The following SDK1 variants were observed in gnomAD, a reference collection of about 807,000 sequenced individuals.
The protein encoded by SDK1 is sidekick cell adhesion molecule 1, also known as protein sidekick-1.
SDK1 carries 157 observed loss-of-function variants against 245.5 expected under a neutral mutation model. The ratio of observed to expected loss-of-function variants is 0.64; its 90% CI spans 0.56 to 0.73. The LOEUF is 0.73. SDK1 is among the 30% of genes least tolerant of loss of function. The pLI is 0.00. For missense variants in SDK1, 3,583 were observed against 3,002.3 expected (o/e 1.19, Z -4.52); for synonymous variants, 1,647 against 1,278.5 (o/e 1.29, Z -6.15).
At chr7:4,242,968 A>C (rs1383059161) in intron 43 of SDK1, among the ~76,000 whole-genome samples, 1 of 152,178 alleles carries the variant, frequency 6.6e-6, no homozygotes, top group East Asian at 1.9e-4. Flanking sequence ...CCGCCACCCC[A>C]CGAGGCCTTC....
chr7:3,786,676 T>TA (rs1190792187), intron 4 of SDK1, among the ~76,000 whole-genome samples: 1 of 152,156 alleles, frequency 6.6e-6, no homozygotes, highest in Non-Finnish European at 1.5e-5. Context: ...ATACAGTGAG[T>TA]ACGTTCTCTG....
At chr7:3,967,533 T>C (rs887433328) in intron 10 of SDK1, 99 bp downstream of exon 10, 11 of 763,600 alleles carry the variant, frequency 1.4e-5, no homozygotes, top group South Asian at 1.1e-4. Context: ...TATTCACTTA[T>C]GCATTCACTC....
At chr7:3,932,864 C>T (rs181651281) in intron 5 of SDK1, among the ~76,000 whole-genome samples, 12 of 152,292 alleles carry the variant, frequency 7.9e-5, no homozygotes, top group Non-Finnish European at 1.2e-4. Context: ...AAGAAGCCAA[C>T]ACCCACCTCT....
At chr7:4,075,835 G>T (rs1260212958) in intron 20 of SDK1, among the ~76,000 whole-genome samples, 1 of 151,924 alleles carries the variant, frequency 6.6e-6, no homozygotes, top group Non-Finnish European at 1.5e-5. Context: ...TTATATTTTA[G>T]TAGAGACGGG....
At chr7:4,212,767 C>T (rs944243796) in intron 38 of SDK1, among the ~76,000 whole-genome samples, 2 of 152,228 alleles carry the variant, frequency 1.3e-5, no homozygotes, top group African/African-American at 4.8e-5. Flanking sequence ...TCATAACCAA[C>T]GAGGACCATT....
At chr7:3,504,825 G>T (rs960782868) in intron 1 of SDK1, among the ~76,000 whole-genome samples, 4 of 151,074 alleles carry the variant, frequency 2.6e-5, no homozygotes, top group African/African-American at 4.9e-5. Flanking sequence ...GTAAAATGGT[G>T]CAACCACTTT....
chr7:3,536,202 G>A (rs891928917), intron 1 of SDK1, among the ~76,000 whole-genome samples: 15 of 150,822 alleles, frequency 9.9e-5, no homozygotes, highest in African/African-American at 2.7e-4. Context: ...GACTACAGGC[G>A]CCCGCCACCA....
intron 17 of SDK1, among the ~76,000 whole-genome samples, chr7:4,018,267 A>G (rs1786582361): frequency 6.6e-6 from 1 of 152,184 alleles, no homozygotes; most frequent in Admixed American, 6.5e-5. Context: ...TTCAGATGAC[A>G]AGGTTTCTGA....
At chr7:3,576,360 G>C (rs1273645868) in intron 1 of SDK1, among the ~76,000 whole-genome samples, 1 of 152,032 alleles carries the variant, frequency 6.6e-6, no homozygotes, top group African/African-American at 2.4e-5. Flanking sequence ...AGCTAGGTGG[G>C]GCCATCTGCA....
chr7:4,242,448 C>T (rs1309054452), intron 43 of SDK1, among the ~76,000 whole-genome samples: 1 of 152,122 alleles, frequency 6.6e-6, no homozygotes, highest in Non-Finnish European at 1.5e-5. Context: ...TTCCTAAATC[C>T]AGCAGGAAGC....
At chr7:4,088,954 C>T (rs766014737) in intron 22 of SDK1, among the ~76,000 whole-genome samples, 5 of 150,906 alleles carry the variant, frequency 3.3e-5, no homozygotes, top group Non-Finnish European at 7.4e-5. Flanking sequence ...GGCATCTGCA[C>T]AATGAGGCCC....
chr7:3,307,448 T>C (rs1779444393), intron 1 of SDK1, among the ~76,000 whole-genome samples: 1 of 152,198 alleles, frequency 6.6e-6, no homozygotes, highest in South Asian at 2.1e-4. Context: ...AGATCTGTTC[T>C]GGAGAGGTTA....
At chr7:3,821,791 G>A (rs1010537384) in intron 5 of SDK1, among the ~76,000 whole-genome samples, 1 of 151,720 alleles carries the variant, frequency 6.6e-6, no homozygotes, top group Admixed American at 6.6e-5. Flanking sequence ...GAATCTCAGT[G>A]GTACTTCTGA....
chr7:3,645,165 A>C (rs1350587685), intron 4 of SDK1, among the ~76,000 whole-genome samples: 2 of 152,234 alleles, frequency 1.3e-5, no homozygotes, highest in Non-Finnish European at 2.9e-5. Flanking sequence ...TAAACTTGCA[A>C]ATACATGCTA....
At chr7:3,792,732 C>A (rs1253193155) in intron 4 of SDK1, among the ~76,000 whole-genome samples, 1 of 151,942 alleles carries the variant, frequency 6.6e-6, no homozygotes, top group South Asian at 2.1e-4. Context: ...GTCTGTCCAT[C>A]CATCCGTCCA....
chr7:4,229,048 C>T (rs1785596679), intron 40 of SDK1, among the ~76,000 whole-genome samples: 2 of 152,170 alleles, frequency 1.3e-5, no homozygotes, highest in Non-Finnish European at 2.9e-5. Context: ...CTGTCCAGAA[C>T]ATGGAAAAAT....
intron 4 of SDK1, among the ~76,000 whole-genome samples, chr7:3,666,984 G>C (rs1452681255): frequency 6.6e-6 from 1 of 152,024 alleles, no homozygotes; most frequent in East Asian, 1.9e-4. Context: ...TTAAGGACTT[G>C]TGTTTGGTGT....
intron 4 of SDK1, among the ~76,000 whole-genome samples, chr7:3,809,212 G>C (rs1365449961): frequency 6.6e-6 from 1 of 152,106 alleles, no homozygotes; most frequent in Non-Finnish European, 1.5e-5. Flanking sequence ...GGGAACGAGA[G>C]AAGGGGGAGG....
intron 4 of SDK1, among the ~76,000 whole-genome samples, chr7:3,785,913 C>A (rs1211598321): frequency 6.6e-6 from 1 of 152,152 alleles, no homozygotes; most frequent in African/African-American, 2.4e-5. Flanking sequence ...GAGAAATATT[C>A]CTTGAGGAAA....
Sources: allele counts gnomAD v4.1 joint callset (sites outside exome capture counted in the v4.1 genomes callset), GRCh38; gene constraint gnomAD v4.1.1; transcripts MANE v1.5; gene names NCBI Gene and HGNC (gene_info 2026-07-23, HGNC 2026-07-21).